DNAH6: variants seen among roughly 807,000 people sequenced by gnomAD.
DNAH6 encodes dynein axonemal heavy chain 6.
DNAH6 carries 340 observed loss-of-function variants against 491.4 expected under a neutral mutation model. The ratio of observed to expected loss-of-function variants is 0.69; its 90% CI spans 0.63 to 0.76. The LOEUF (loss-of-function observed/expected upper bound fraction) is 0.76. Ranked by LOEUF, DNAH6 falls within the 30% of genes least tolerant of loss-of-function variation. The pLI is 0.00. For synonymous variants in DNAH6, 1,603 were observed against 1,686.1 expected (o/e 0.95, Z 1.21); for missense variants, 4,443 against 4,972.2 (o/e 0.89, Z 3.20).
At chr2:84,649,580 C>T (rs554548322) in intron 33 of DNAH6, among the ~76,000 whole-genome samples, 1 of 152,112 alleles carries the variant, frequency 6.6e-6, no homozygotes, top group Non-Finnish European at 1.5e-5. Flanking sequence ...TCTTTCAGGA[C>T]TTGAAAGCTG....
intron 15 of DNAH6, among the ~76,000 whole-genome samples, chr2:84,588,308 A>C (rs1410496399): frequency 6.6e-6 from 1 of 152,232 alleles, no homozygotes; most frequent in African/African-American, 2.4e-5. Flanking sequence ...TCCCAAACCT[A>C]GTTAAGTGCT....
intron 66 of DNAH6, 86 bp downstream of exon 66, chr2:84,784,896 C>A (rs1677030750): frequency 2.1e-6 from 2 of 943,170 alleles, no homozygotes; most frequent in Non-Finnish European, 3.3e-6. Context: ...AGAGCCTGCA[C>A]AGAAGCATGT....
intron 64 of DNAH6, among the ~76,000 whole-genome samples, chr2:84,779,251 C>A (rs771666677): frequency 1.7e-4 from 26 of 152,156 alleles, no homozygotes; most frequent in Non-Finnish European, 3.4e-4. Flanking sequence ...TGAAGTACCC[C>A]CACTATTATG....
chr2:84,583,944 C>T (rs370020961), intron 14 of DNAH6, 55 bp from the exon 15 acceptor site: 35 of 1,585,292 alleles, frequency 2.2e-5, no homozygotes, highest in Admixed American at 3.4e-5. Context: ...GAACAAACTT[C>T]AAGACTAAAC....
At chr2:84,508,143 T>C in the DNAH6 span, among the ~76,000 whole-genome samples, 1 of 152,252 alleles carries the variant, frequency 6.6e-6, no homozygotes, top group East Asian at 1.9e-4. Flanking sequence ...GAAGGAATGG[T>C]ACCAGCTCCT....
At chr2:84,691,721 T>C (rs1362661680) in intron 45 of DNAH6, among the ~76,000 whole-genome samples, 1 of 147,072 alleles carries the variant, frequency 6.8e-6, no homozygotes, top group African/African-American at 2.6e-5. Context: ...ACTTTATTTA[T>C]AGACATTAAT....
chr2:84,715,111 T>C (rs1018843041), intron 57 of DNAH6, among the ~76,000 whole-genome samples: 1 of 152,102 alleles, frequency 6.6e-6, no homozygotes, highest in Non-Finnish European at 1.5e-5. Context: ...CTAAGTGATT[T>C]TATTACCTCA....
At chr2:84,530,612 G>C (rs1370771678) in intron 4 of DNAH6, among the ~76,000 whole-genome samples, 1 of 152,158 alleles carries the variant, frequency 6.6e-6, no homozygotes, top group African/African-American at 2.4e-5. Context: ...AAACATTCTG[G>C]CTGCTGTGTG....
At chr2:84,716,370 A>C (rs1697540232) in intron 58 of DNAH6, among the ~76,000 whole-genome samples, 1 of 151,684 alleles carries the variant, frequency 6.6e-6, no homozygotes, top group East Asian at 1.9e-4. Flanking sequence ...TAACCAACAC[A>C]TATATACACA....
At chr2:84,614,876 G>GT (rs1367302874) in intron 22 of DNAH6, among the ~76,000 whole-genome samples, 2 of 151,962 alleles carry the variant, frequency 1.3e-5, no homozygotes, top group South Asian at 2.1e-4. Context: ...GGGATTGTTT[G>GT]TTTTTTTCTT....
rs1044338615 is a variant in DNAH6 at position 84,588,773 on chromosome 2, G to T, written c.2482-53G>T. 9 of 1,386,622 alleles carry T rather than the reference G, an allele frequency of 6.5e-6. No homozygotes were observed. The Admixed American group carries it at 2.1e-4, about 32-fold the overall frequency. The allele number at this position is 1,386,622 out of a possible 1,614,324, so 85.9% of individuals were successfully genotyped here. On this transcript the variant is annotated intron_variant, in intron 15 of 76. Coordinates refer to ENST00000389394, the MANE Select transcript of DNAH6 (RefSeq NM_001370.2). ...GTTTATTAATTCATTTAATTTAATT[G>T]GTCTTTATCAAAAAGCAGGAATGGC... is the stretch of plus-strand genomic sequence containing the variant.
the DNAH6 span, among the ~76,000 whole-genome samples, chr2:84,470,331 G>A: frequency 2.6e-5 from 4 of 152,186 alleles, no homozygotes; most frequent in East Asian, 1.9e-4. Context: ...AGTCCACAGT[G>A]CAAAGTGAAA....
chr2:84,686,351 A>C, intron 43 of DNAH6, 133 bp from the exon 44 acceptor site: 26 of 554,998 alleles, frequency 4.7e-5, no homozygotes, highest in Non-Finnish European at 6.8e-5. Context: ...TTAACACAGT[A>C]TTCTCTCAGT....
At chr2:84,770,575 G>GA (rs1559021499) in intron 64 of DNAH6, among the ~76,000 whole-genome samples, 1 of 152,008 alleles carries the variant, frequency 6.6e-6, no homozygotes, top group Non-Finnish European at 1.5e-5. Context: ...TAATTAAAAT[G>GA]AAAAATATAC....
intron 12 of DNAH6, among the ~76,000 whole-genome samples, chr2:84,575,367 A>G (rs1436382614): frequency 2.0e-5 from 3 of 152,212 alleles, no homozygotes; most frequent in Admixed American, 6.5e-5. Context: ...GTCAGCATTT[A>G]CTAATAATTT....
chr2:84,602,592 G>A (rs1685356843), intron 18 of DNAH6, among the ~76,000 whole-genome samples: 1 of 131,826 alleles, frequency 7.6e-6, no homozygotes, highest in African/African-American at 2.8e-5. Context: ...ATGTGCTATT[G>A]TTACTGTTCA....
the DNAH6 span, among the ~76,000 whole-genome samples, chr2:84,489,570 T>A: frequency 6.6e-6 from 1 of 152,172 alleles, no homozygotes; most frequent in Non-Finnish European, 1.5e-5. Context: ...ATTCTTTCTC[T>A]TTCCTTTTTT....
chr2:84,518,199 A>G (rs1460970108), intron 2 of DNAH6, 148 bp downstream of exon 2: 1 of 641,066 alleles, frequency 1.6e-6, no homozygotes, highest in Non-Finnish European at 2.7e-6. Context: ...AGTTGTAAAT[A>G]CGGTAAATAT....
chr2:84,533,654 C>T (rs532774915), intron 4 of DNAH6, among the ~76,000 whole-genome samples: 1 of 152,224 alleles, frequency 6.6e-6, no homozygotes, highest in East Asian at 1.9e-4. Flanking sequence ...CATATTTAAA[C>T]TCAAAAACCT....
Sources: allele counts gnomAD v4.1 joint callset (sites outside exome capture counted in the v4.1 genomes callset), GRCh38; gene constraint gnomAD v4.1.1; transcripts MANE v1.5; gene names NCBI Gene and HGNC (gene_info 2026-07-23, HGNC 2026-07-21).